Variants in DYRK4 observed in about 807,000 individuals in gnomAD.
The protein encoded by DYRK4 is dual specificity tyrosine phosphorylation regulated kinase 4, also known as dual specificity tyrosine-phosphorylation-regulated kinase 4.
In DYRK4, 64 loss-of-function variants were observed where a neutral mutation model predicts 68.3. The observed-to-expected ratio is 0.94, with a 90% CI of 0.77 to 1.15. The LOEUF (loss-of-function observed/expected upper bound fraction) is 1.15. Among genes scored for constraint, DYRK4 ranks in the 50% most tolerant of loss-of-function variants. The pLI is 0.00. For synonymous variants in DYRK4, 274 were observed against 289.9 expected (o/e 0.95, Z 0.56); for missense variants, 740 against 764.7 (o/e 0.97, Z 0.38).
chr12:4,598,852 C>T (rs1401470643), intron 8 of DYRK4, among the ~76,000 whole-genome samples, 176 bp from the exon 9 acceptor site: 1 of 152,120 alleles, frequency 6.6e-6, no homozygotes, highest in Non-Finnish European at 1.5e-5. Flanking sequence ...TCACCCTGCG[C>T]CCACCACGAT....
intron 10 of DYRK4, 69 bp downstream of exon 10, chr12:4,599,857 C>G: frequency 7.4e-7 from 1 of 1,345,470 alleles, no homozygotes; most frequent in Non-Finnish European, 1.1e-6. Context: ...CATACAAGGT[C>G]ACCTGCCTTC....
Position 4,613,586 on chromosome 12 carries a change from C to G in DYRK4, c.1738C>G (p.Gln580Glu), listed in dbSNP as rs1412547175. ...GAAGCATGTTCAGCATTCAGGTGATCAGCAGGACTGTCTCCAGCACGGAGC... is the reference window on the plus strand; with the variant it reads ...GAAGCATGTTCAGCATTCAGGTGATGAGCAGGACTGTCTCCAGCACGGAGC... ...PTKHVQHSGD[Q>E]QDCLQHGADT... The change falls in exon 15 of 15, where the codon CAG (glutamine) becomes GAG (glutamate). Residue 580 changes from glutamine (Q) to glutamate (E), a missense_variant. Around this residue, in one of 3 missense-constraint regions of DYRK4, gnomAD observed 614 missense variants for 603.7 expected, o/e 1.02. Coordinates refer to ENST00000543431, the MANE Select transcript of DYRK4 (RefSeq NM_001394779.1). The surrounding 1 kb of genome is among the most constrained non-coding windows in gnomAD (Gnocchi z 4.0). 1 of 1,614,142 alleles carries G rather than the reference C, an allele frequency of 6.2e-7. No homozygotes were observed. The highest frequency in any genetic ancestry group is 8.5e-7 in the Non-Finnish European group (1 of 1,179,994).
intron 11 of DYRK4, among the ~76,000 whole-genome samples, chr12:4,605,330 G>A (rs1227036180): frequency 6.6e-6 from 1 of 152,150 alleles, no homozygotes; most frequent in African/African-American, 2.4e-5. Flanking sequence ...TGTAAATAGT[G>A]ACATTTTAAA....
rs138016131 is a variant in DYRK4, at chr12:4,591,185, C to T, written c.350C>T (p.Pro117Leu). Residue 117 changes from proline to leucine, a missense_variant, in exon 5 of 15, where the codon CCG (proline) becomes CTG (leucine). Transcript: ENST00000543431. This position sits in a 1 kb window ranked among gnomAD's most constrained non-coding sequence, Gnocchi z 4.1. ...GAGAATCAAGCTCACAATCAGATGC[C>T]GGCCTCAGAGCTCAAGGCTTCAGAA... Reference protein sequence around the residue: ...YQENQAHNQMPASELKASEIP... With the variant: ...YQENQAHNQMLASELKASEIP... 76 of 1,614,032 alleles carry T rather than the reference C, an allele frequency of 4.7e-5. No individual in the cohort carries two copies. Among genetic ancestry groups the T allele is most frequent in the African/African-American group, 5.3e-5 (4 of 74,992 alleles).
intron 2 of DYRK4, among the ~76,000 whole-genome samples, chr12:4,586,375 A>G (rs754378191): frequency 1.1e-4 from 16 of 152,186 alleles, no homozygotes; most frequent in Non-Finnish European, 2.1e-4. Flanking sequence ...GCTCAGGACT[A>G]CTAAGGAGAT....
At chr12:4,612,973 T>C (rs999006363) in intron 14 of DYRK4, 6 of 410,560 alleles carry the variant, frequency 1.5e-5, no homozygotes, top group African/African-American at 1.2e-4. Flanking sequence ...CTTTGGGATT[T>C]TCCTTTTCAG....
intron 2 of DYRK4, among the ~76,000 whole-genome samples, chr12:4,579,151 G>T (rs762059423): frequency 2.6e-5 from 4 of 152,066 alleles, no homozygotes; most frequent in Non-Finnish European, 4.4e-5. Context: ...GGCGTGCCCT[G>T]TAGTCCCAGC....
intron 1 of DYRK4, among the ~76,000 whole-genome samples, chr12:4,564,898 A>C (rs979787424): frequency 1.3e-5 from 2 of 152,220 alleles, no homozygotes; most frequent in Admixed American, 6.5e-5. Flanking sequence ...ATATGCACCT[A>C]AGATAATTAA....
rs1944940245 is a variant in DYRK4, at chr12:4,590,371, G to A, written c.255G>A (p.Gly85=). The A allele has an allele frequency of 6.5e-7, 1 of 1,535,744 alleles. No homozygotes were observed. The highest frequency in any genetic ancestry group is 1.4e-5 in the African/African-American group (1 of 73,018). The change falls in exon 4 of 15, where the codon GGG becomes GGA. Residue 85 remains glycine, a synonymous_variant. Coordinates refer to ENST00000543431, the MANE Select transcript of DYRK4 (RefSeq NM_001394779.1). ...CACTCCCCTTTGTGGACACCAAGGGGAAGAAGAATACGGTAAGCTTCCCAC... is the reference window on the plus strand; with the variant it reads ...CACTCCCCTTTGTGGACACCAAGGGAAAGAAGAATACGGTAAGCTTCCCAC... ...VTSLPFVDTK[G]KKNTVSFPHI...
intron 2 of DYRK4, among the ~76,000 whole-genome samples, chr12:4,583,131 A>T (rs1944860691): frequency 2.0e-5 from 3 of 152,108 alleles, no homozygotes; most frequent in Admixed American, 1.3e-4. Context: ...TTGAAGTTTG[A>T]AAAAGAGACA....
At chr12:4,586,746 A>G (rs77776902) in intron 2 of DYRK4, among the ~76,000 whole-genome samples, 3 of 151,734 alleles carry the variant, frequency 2.0e-5, no homozygotes, top group Admixed American at 6.6e-5. Context: ...ACACACACAC[A>G]CCCCTTTGCT....
chr12:4,570,356 A>T (rs1377478804), intron 2 of DYRK4, among the ~76,000 whole-genome samples: 4 of 152,252 alleles, frequency 2.6e-5, no homozygotes, highest in Admixed American at 2.6e-4. Context: ...GAAACTTAAA[A>T]CTACTGTGTT....
At chr12:4,604,890 G>A in intron 10 of DYRK4, 24 bp from the exon 11 acceptor site, 2 of 1,561,184 alleles carry the variant, frequency 1.3e-6, no homozygotes, top group Non-Finnish European at 1.7e-6. Flanking sequence ...GTCCCACGAG[G>A]TTTCTCTTAC....
chr12:4,582,776 G>A (rs73257423), intron 2 of DYRK4, among the ~76,000 whole-genome samples: 2,058 of 152,238 alleles, frequency 0.014, 38 homozygotes, highest in African/African-American at 0.046. Context: ...GGAACAGTGC[G>A]GTGTTTGAAA....
chr12:4,593,823 G>A (rs1944984725), intron 6 of DYRK4, among the ~76,000 whole-genome samples: 1 of 152,154 alleles, frequency 6.6e-6, no homozygotes, highest in Non-Finnish European at 1.5e-5. Context: ...TTTCCTCTTC[G>A]GAACATTTCA....
At chr12:4,572,538 A>T (rs1349901124) in intron 2 of DYRK4, among the ~76,000 whole-genome samples, 1 of 152,138 alleles carries the variant, frequency 6.6e-6, no homozygotes. Flanking sequence ...CTCGTGATCC[A>T]TCCGCCTTGG....
rs1945204698 is a variant in DYRK4, at chr12:4,610,270, CAGA to C, written c.1479_1481del (p.Arg494del). 1 of 1,578,062 alleles carries C rather than the reference CAGA, an allele frequency of 6.3e-7. No homozygotes were observed. Among genetic ancestry groups the C allele is most frequent in the South Asian group, 1.2e-5 (1 of 84,174 alleles). The stretch of plus-strand genomic sequence containing the variant: ...ATGACACCAGCTTCCTGGACTTTCT[CAGA>C]AGGTGTTTGGTGTGAGTTTGTTGGG... On this transcript the variant is annotated inframe_deletion, in exon 13 of 15. Coordinates refer to ENST00000543431, the MANE Select transcript of DYRK4 (RefSeq NM_001394779.1).
intron 12 of DYRK4, among the ~76,000 whole-genome samples, chr12:4,609,091 G>A (rs973426755): frequency 2.0e-5 from 3 of 152,186 alleles, no homozygotes; most frequent in African/African-American, 4.8e-5. Flanking sequence ...GAGCACCTTC[G>A]TAGGAACGTA....
intron 8 of DYRK4, 96 bp downstream of exon 8, chr12:4,596,825 A>AT: frequency 1.3e-6 from 2 of 1,578,380 alleles, no homozygotes; most frequent in Non-Finnish European, 1.7e-6. Flanking sequence ...GGATGTGAAT[A>AT]TTTAGTAACT....
Sources: allele counts gnomAD v4.1 joint callset (sites outside exome capture counted in the v4.1 genomes callset), GRCh38; gene constraint gnomAD v4.1.1; regional missense constraint gnomAD v4.1.1; non-coding constraint Gnocchi (gnomAD v3.1); transcripts MANE v1.5; gene names NCBI Gene and HGNC (gene_info 2026-07-23, HGNC 2026-07-21).